DNAH7: variants seen among roughly 807,000 people sequenced by gnomAD.
DNAH7 encodes dynein axonemal heavy chain 7.
In DNAH7, 397 loss-of-function variants were observed where a neutral mutation model predicts 444.6. The observed-to-expected ratio is 0.89, with a 90% CI of 0.82 to 0.97. The LOEUF is 0.97. DNAH7 is among the 50% of genes least tolerant of loss of function. The pLI, the probability that DNAH7 is intolerant of heterozygous loss-of-function variation, is 0.00. For synonymous variants in DNAH7, 1,636 were observed against 1,624.4 expected, an observed-to-expected ratio of 1.01 and a Z score of -0.17; for missense variants, 4,902 against 4,800.8, an observed-to-expected ratio of 1.02 and a Z score of -0.62.
intron 35 of DNAH7, among the ~76,000 whole-genome samples, chr2:195,883,464 A>T (rs1430621512): frequency 7.2e-6 from 1 of 138,078 alleles, no homozygotes; most frequent in Non-Finnish European, 1.5e-5. Flanking sequence ...CCCCCCCCAA[A>T]AAAAAAGAAT....
chr2:195,886,121 C>T lies in DNAH7; in HGVS notation c.5538+20G>A. The T allele has an allele frequency of 1.2e-6, 2 of 1,606,136 alleles. No homozygotes were observed. Among genetic ancestry groups the T allele is most frequent in the South Asian group, 1.1e-5 (1 of 89,222 alleles). ...ATACCTGTCTTTCTGTAGCAGGATA[C>T]AGAAGGCAACGGACCTTACCTCAAG... On this transcript the variant is annotated intron_variant, in intron 34 of 64. Coordinates refer to ENST00000312428, the MANE Select transcript of DNAH7 (RefSeq NM_018897.3).
Position 195,817,774 on chromosome 2 carries a change from C to G in DNAH7, c.9347G>C (p.Gly3116Ala). Reference protein sequence around the residue: ...TPEGMQDQLLGIVVAQERPDL... With the variant: ...TPEGMQDQLLAIVVAQERPDL... ...TGGCCTTTCTTGTGCCACCACAATT[C>G]CCAGAAGCTGATCTTGCATTCCCTC... is the stretch of plus-strand genomic sequence containing the variant. Residue 3116 changes from glycine to alanine, a missense_variant, in exon 50 of 65, where the codon GGA (glycine) becomes GCA (alanine). By Grantham distance (60) the Gly-to-Ala change is moderately conservative (BLOSUM62 0). Coordinates refer to ENST00000312428, the MANE Select transcript of DNAH7 (RefSeq NM_018897.3). 1 of 1,612,902 alleles carries G rather than the reference C, an allele frequency of 6.2e-7. No individual in the cohort carries two copies. Among genetic ancestry groups the G allele is most frequent in the South Asian group, 1.1e-5 (1 of 90,840 alleles).
intron 22 of DNAH7, 22 bp downstream of exon 22, chr2:195,926,404 C>A: frequency 6.8e-7 from 1 of 1,476,222 alleles, no homozygotes; most frequent in Non-Finnish European, 9.0e-7. Context: ...TTAAAAAAAC[C>A]CGAGGGTTAA....
chr2:196,027,422 A>T lies in DNAH7; in HGVS notation c.487-482T>A, dbSNP rs186339928. Among the ~76,000 whole-genome samples the T allele has an allele frequency of 2.1e-3, 315 of 152,092 alleles. 1 individual carries two copies. The highest frequency in any genetic ancestry group is 7.1e-3 in the African/African-American group (295 of 41,548). ...TTTATAGCTGCTATTGTGTGTGTTC[A>T]TAAAATATTCATTTTAAAACAAGTT... On this transcript the variant is annotated intron_variant, in intron 6 of 64. Transcript: ENST00000312428.
chr2:195,854,811 G>A (rs1699597836), intron 45 of DNAH7, among the ~76,000 whole-genome samples: 1 of 152,104 alleles, frequency 6.6e-6, no homozygotes, highest in Admixed American at 6.6e-5. Context: ...GTTGAAAAAT[G>A]TTTAAAGAGA....
intron 3 of DNAH7, among the ~76,000 whole-genome samples, chr2:196,049,767 C>T (rs1697351622): frequency 6.6e-6 from 1 of 152,134 alleles, no homozygotes; most frequent in Admixed American, 6.5e-5. Context: ...ATATGCTTCG[C>T]CCACAAGCAA....
chr2:195,945,839 T>A (rs1168670056), intron 19 of DNAH7, among the ~76,000 whole-genome samples: 1 of 152,156 alleles, frequency 6.6e-6, no homozygotes, highest in East Asian at 1.9e-4. Flanking sequence ...TACAAAAGAC[T>A]TGGATGAGTC....
At chr2:195,986,792 G>C (rs1387350469) in intron 14 of DNAH7, among the ~76,000 whole-genome samples, 1 of 152,088 alleles carries the variant, frequency 6.6e-6, no homozygotes, top group Non-Finnish European at 1.5e-5. Flanking sequence ...TCTGAATTTA[G>C]ATAATGTCCA....
chr2:195,881,792 T>C lies in DNAH7; in HGVS notation c.5961+3A>G, dbSNP rs992225792. 20 of 1,613,114 alleles carry C rather than the reference T, an allele frequency of 1.2e-5. No individual in the cohort carries two copies. Among genetic ancestry groups the C allele is most frequent in the Non-Finnish European group, 1.7e-5 (20 of 1,179,210 alleles). Reference sequence around the variant, plus strand: ...TTAATACGCAGATTTCTGCAGTACTTACCGTAATGTAAACACTTTTCCCAG... The same window carrying C: ...TTAATACGCAGATTTCTGCAGTACTCACCGTAATGTAAACACTTTTCCCAG... On this transcript the variant is annotated splice_donor_region_variant and intron_variant, in intron 36 of 64. Coordinates refer to ENST00000312428, the MANE Select transcript of DNAH7 (RefSeq NM_018897.3).
chr2:195,987,318 T>G, intron 13 of DNAH7, 125 bp from the exon 14 acceptor site: 2 of 640,210 alleles, frequency 3.1e-6, no homozygotes, highest in Non-Finnish European at 4.9e-6. Context: ...TTTAAAAATA[T>G]ATATAATTCA....
intron 27 of DNAH7, chr2:195,903,565 CT>C: frequency 6.6e-6 from 1 of 152,032 alleles, no homozygotes. Flanking sequence ...TATAGCTTCT[CT>C]AAAGTGAAGA....
At chr2:195,953,359 A>G (rs1690402158) in intron 19 of DNAH7, among the ~76,000 whole-genome samples, 1 of 152,110 alleles carries the variant, frequency 6.6e-6, no homozygotes, top group South Asian at 2.1e-4. Context: ...CTCCTGTATG[A>G]GGTGTCTGTT....
At chr2:195,835,681 T>A (rs1436868044) in intron 47 of DNAH7, among the ~76,000 whole-genome samples, 1 of 151,850 alleles carries the variant, frequency 6.6e-6, no homozygotes, top group Non-Finnish European at 1.5e-5. Context: ...CCGTCTCTAC[T>A]AAAAATACAA....
At chr2:195,849,187 G>GGA (rs1349430648) in intron 46 of DNAH7, among the ~76,000 whole-genome samples, 5 of 151,998 alleles carry the variant, frequency 3.3e-5, no homozygotes, top group Admixed American at 6.6e-5. Context: ...TTGGCCAGTG[G>GGA]GAATACCCTT....
chr2:195,821,346 A>C (rs1490889829), intron 49 of DNAH7, among the ~76,000 whole-genome samples: 1 of 152,108 alleles, frequency 6.6e-6, no homozygotes, highest in Non-Finnish European at 1.5e-5. Context: ...TGTTCTCTCT[A>C]CTTTTGGTTT....
At chr2:196,023,430 C>A (rs1158226162) in intron 8 of DNAH7, among the ~76,000 whole-genome samples, 2 of 152,192 alleles carry the variant, frequency 1.3e-5, no homozygotes, top group African/African-American at 4.8e-5. Context: ...AACACAGAAC[C>A]CAATAGTTAA....
At chr2:195,782,639 G>A (rs1430146147) in intron 58 of DNAH7, among the ~76,000 whole-genome samples, 1 of 152,106 alleles carries the variant, frequency 6.6e-6, no homozygotes, top group Non-Finnish European at 1.5e-5. Flanking sequence ...CTGAAAGTTA[G>A]ATGGAGTTCA....
intron 8 of DNAH7, among the ~76,000 whole-genome samples, chr2:196,020,727 T>C (rs1395408447): frequency 6.6e-6 from 1 of 151,764 alleles, no homozygotes; most frequent in Non-Finnish European, 1.5e-5. Context: ...TCTCTTGCCT[T>C]AGCCTCTTGA....
At chr2:195,986,781 A>G (rs1210713707) in intron 14 of DNAH7, among the ~76,000 whole-genome samples, 2 of 152,210 alleles carry the variant, frequency 1.3e-5, no homozygotes, top group Non-Finnish European at 2.9e-5. Flanking sequence ...AAATATAAAA[A>G]TCTGAATTTA....
Sources: allele counts gnomAD v4.1 joint callset (sites outside exome capture counted in the v4.1 genomes callset), GRCh38; gene constraint gnomAD v4.1.1; transcripts MANE v1.5; gene names NCBI Gene and HGNC (gene_info 2026-07-23, HGNC 2026-07-21).